KCNH8: variants seen among roughly 807,000 people sequenced by gnomAD.
The protein encoded by KCNH8 is potassium voltage-gated channel subfamily H member 8.
A neutral mutation model predicts 103.6 loss-of-function variants in KCNH8; 70 were observed. The ratio of observed to expected loss-of-function variants is 0.68; its 90% CI spans 0.56 to 0.82. KCNH8 has a LOEUF of 0.82. Among genes scored for constraint, KCNH8 ranks in the 40% least tolerant of loss-of-function variants. KCNH8 has a pLI of 0.00. For missense variants in KCNH8, 1,217 were observed against 1,329.9 expected (o/e 0.92, Z 1.32); for synonymous variants, 498 against 489.4 (o/e 1.02, Z -0.23).
At chr3:19,375,072 C>T (rs2125119749) in intron 5 of KCNH8, among the ~76,000 whole-genome samples, 1 of 151,550 alleles carries the variant, frequency 6.6e-6, no homozygotes, top group South Asian at 2.1e-4. Context: ...GTGAATCTGA[C>T]AATTATGTGT....
At chr3:19,306,664 T>C (rs2065134472) in intron 3 of KCNH8, among the ~76,000 whole-genome samples, 1 of 152,046 alleles carries the variant, frequency 6.6e-6, no homozygotes, top group Non-Finnish European at 1.5e-5. Flanking sequence ...CAGAGGCAAA[T>C]TGGTGGAGAG....
intron 11 of KCNH8, among the ~76,000 whole-genome samples, chr3:19,483,636 T>A (rs73182848): frequency 6.7e-6 from 1 of 149,950 alleles, no homozygotes; most frequent in African/African-American, 2.5e-5. Context: ...ATTTCTTGGG[T>A]TTTTTTTGGA....
At chr3:19,204,192 G>T (rs112763916) in intron 1 of KCNH8, among the ~76,000 whole-genome samples, 13,393 of 151,982 alleles carry the variant, frequency 0.088, 1,993 homozygotes, top group African/African-American at 0.3. Context: ...GATTCTACCG[G>T]CAACTGAAGC....
At chr3:19,331,777 T>C (rs1333167712) in intron 3 of KCNH8, among the ~76,000 whole-genome samples, 2 of 152,186 alleles carry the variant, frequency 1.3e-5, no homozygotes, top group African/African-American at 2.4e-5. Context: ...TATTGTAAAA[T>C]GTACAATAAA....
In KCNH8 at chr3:19,523,236, G is replaced by A. The variant is rs1470009656; in HGVS notation, c.2619+5162G>A. 4.0e-5 allele frequency among the ~76,000 whole-genome samples: 6 copies of A among 151,896 alleles called. No homozygotes were observed. In the East Asian group the frequency reaches 1.2e-3, roughly 29 times the overall value. ...CATAATTGGATAATAGGTCAGTCATGTCCTTTAAAAATAGATATTACAGAA... is the reference window on the plus strand; with the variant it reads ...CATAATTGGATAATAGGTCAGTCATATCCTTTAAAAATAGATATTACAGAA... On this transcript the variant is annotated intron_variant, in intron 15 of 15. Transcript: ENST00000328405.
chr3:19,358,759 G>C (rs1222548061), intron 5 of KCNH8, among the ~76,000 whole-genome samples: 1 of 151,900 alleles, frequency 6.6e-6, no homozygotes, highest in Non-Finnish European at 1.5e-5. Flanking sequence ...AAAAAGCAGT[G>C]TGTCACCTTT....
chr3:19,467,191 C>T (rs1264686916), intron 11 of KCNH8, among the ~76,000 whole-genome samples: 3 of 151,962 alleles, frequency 2.0e-5, no homozygotes, highest in Non-Finnish European at 4.4e-5. Context: ...TTGACCCTTT[C>T]AATATCGTAT....
chr3:19,158,050 G>GT (rs2063198532), intron 1 of KCNH8, among the ~76,000 whole-genome samples: 2 of 151,184 alleles, frequency 1.3e-5, no homozygotes, highest in Admixed American at 6.6e-5. Context: ...TACATAGTAG[G>GT]TGTATAATTT....
intron 1 of KCNH8, among the ~76,000 whole-genome samples, chr3:19,168,801 GA>G (rs1443024723): frequency 6.6e-6 from 1 of 152,160 alleles, no homozygotes; most frequent in Non-Finnish European, 1.5e-5. Context: ...AGTTCATTAT[GA>G]AATTTCCTCA....
Position 19,258,939 on chromosome 3 carries a change from CTCTCTCTCTATA to C in KCNH8, c.310+5054_310+5065del, listed in dbSNP as rs1205892921. The stretch of plus-strand genomic sequence containing the variant: ...TCTCTCTCTCTCTCTCTCTCTCTCT[CTCTCTCTCTATA>C]TATATATATATATATATATATATAT... On this transcript the variant is annotated intron_variant, in intron 2 of 15. Transcript: ENST00000328405. 9.7e-3 allele frequency among the ~76,000 whole-genome samples: 719 copies of C among 73,872 alleles called. 2 individuals carry two copies. The highest frequency in any genetic ancestry group is 0.013 in the Non-Finnish European group (470 of 35,982). 48.5% of individuals were successfully genotyped at this position (73,872 alleles called of 152,430 possible).
At chr3:19,218,148 G>T (rs1297121442) in intron 1 of KCNH8, among the ~76,000 whole-genome samples, 2 of 152,054 alleles carry the variant, frequency 1.3e-5, no homozygotes, top group African/African-American at 4.8e-5. Context: ...CTGAGACCAG[G>T]ATTTTTTTTT....
At chr3:19,455,289 A>T (rs2067514004) in intron 10 of KCNH8, among the ~76,000 whole-genome samples, 1 of 152,178 alleles carries the variant, frequency 6.6e-6, no homozygotes, top group African/African-American at 2.4e-5. Context: ...TTTAAAAGAA[A>T]ATGGCAAAGC....
At chr3:19,465,644 T>C (rs1435920552) in intron 11 of KCNH8, among the ~76,000 whole-genome samples, 1 of 151,690 alleles carries the variant, frequency 6.6e-6, no homozygotes, top group African/African-American at 2.4e-5. Flanking sequence ...TGGACCTGGA[T>C]GAATTAAGTT....
intron 1 of KCNH8, among the ~76,000 whole-genome samples, chr3:19,163,040 A>G (rs1283492094): frequency 1.3e-5 from 2 of 151,964 alleles, no homozygotes; most frequent in Admixed American, 6.6e-5. Flanking sequence ...GAAGATGTCA[A>G]CAATTTCAAA....
chr3:19,256,466 G>A (rs2064347558), intron 2 of KCNH8, among the ~76,000 whole-genome samples: 1 of 152,106 alleles, frequency 6.6e-6, no homozygotes, highest in Non-Finnish European at 1.5e-5. Flanking sequence ...AATGCAGGAT[G>A]TTGCTGAGAA....
At chr3:19,457,721 G>C (rs2067555882) in intron 11 of KCNH8, among the ~76,000 whole-genome samples, 1 of 151,952 alleles carries the variant, frequency 6.6e-6, no homozygotes, top group East Asian at 1.9e-4. Flanking sequence ...CTTTGTCCCA[G>C]ATATTTGTAA....
In KCNH8 at chr3:19,534,528, T is replaced by C. The variant is rs1179068199; in HGVS notation, c.*429T>C. The C allele has an allele frequency of 6.1e-6, 1 of 162,908 alleles. No individual in the cohort carries two copies. Among genetic ancestry groups the C allele is most frequent in the Non-Finnish European group, 1.3e-5 (1 of 74,920 alleles). 10.1% of individuals were successfully genotyped at this position (162,908 alleles called of 1,614,324 possible). On this transcript the variant is annotated 3_prime_UTR_variant, in exon 16 of 16. Transcript: ENST00000328405. The stretch of plus-strand genomic sequence containing the variant: ...CTCAGGAGTGCACAGCTCCTGCTGA[T>C]GTATTTTTCTTTTTGTGAAGGCAAA...
At chr3:19,416,767 T>C (rs1052239134) in intron 7 of KCNH8, among the ~76,000 whole-genome samples, 3 of 152,160 alleles carry the variant, frequency 2.0e-5, no homozygotes, top group Non-Finnish European at 2.9e-5. Context: ...AGCATCAAAA[T>C]TCCTGTGCCT....
At chr3:19,500,969 A>C (rs2068569005) in intron 11 of KCNH8, among the ~76,000 whole-genome samples, 1 of 152,232 alleles carries the variant, frequency 6.6e-6, no homozygotes, top group Admixed American at 6.5e-5. Context: ...AACCCTTCAA[A>C]AATTTAACAA....
Sources: gnomAD v4.1 joint callset for allele counts (sites outside exome capture counted in the v4.1 genomes callset) on GRCh38, gnomAD v4.1.1 for gene constraint, MANE v1.5 for transcripts, NCBI Gene and HGNC (gene_info 2026-07-23, HGNC 2026-07-21) for gene names.